Variants in LANCL1 observed in about 807,000 individuals in gnomAD.
LANCL1 encodes the protein glutathione S-transferase LANCL1.
LANCL1 carries 50 observed loss-of-function variants against 50.6 expected under a neutral mutation model. The observed-to-expected ratio is 0.99, with a 90% confidence interval of 0.79 to 1.25. The LOEUF (loss-of-function observed/expected upper bound fraction) is 1.25, where lower values mean the gene tolerates loss of function less well. Among genes scored for constraint, LANCL1 ranks in the 50% most tolerant of loss-of-function variants. The pLI is 0.00. For synonymous variants in LANCL1, 188 were observed against 178.6 expected, an observed-to-expected ratio of 1.05 and a Z score of -0.42; for missense variants, 532 against 480.7, an observed-to-expected ratio of 1.11 and a Z score of -1.00.
At chr2:210,465,565 C>A (rs1183158283) in intron 3 of LANCL1, among the ~76,000 whole-genome samples, 2 of 152,158 alleles carry the variant, frequency 1.3e-5, no homozygotes, top group African/African-American at 2.4e-5. Context: ...AGTGAAACTG[C>A]AGTACATATT....
In LANCL1 at chr2:210,432,519, T is replaced by A. The variant is rs1692781145; in HGVS notation, c.*1968A>T. ...AAGAATCTTATTTGAAATGTTCTTC[T>A]CCCTGCCTTGAAATCTTCCTGGGGT... On this transcript the variant is annotated 3_prime_UTR_variant, in exon 10 of 10. Transcript: ENST00000450366. 1 of 152,192 alleles carries A rather than the reference T, an allele frequency of 6.6e-6. No individual in the cohort carries two copies. The highest frequency in any genetic ancestry group is 1.9e-4 in the East Asian group (1 of 5,192). 9.4% of individuals were successfully genotyped at this position (152,192 alleles called of 1,614,324 possible).
At position 210,455,370 on chromosome 2, in the gene LANCL1, T is replaced by C; in HGVS notation, c.200-56A>G. ...ATGAGGAAAGGCAGTTATTTTATTATTTTTGGCATGGTGTCTACTCAGCAG... is the reference window on the plus strand; with the variant it reads ...ATGAGGAAAGGCAGTTATTTTATTACTTTTGGCATGGTGTCTACTCAGCAG... On this transcript the variant is annotated intron_variant, in intron 3 of 9. Coordinates refer to ENST00000450366, the MANE Select transcript of LANCL1 (RefSeq NM_006055.3). The C allele has an allele frequency of 4.8e-6, 7 of 1,458,134 alleles. No homozygotes were observed. The South Asian group carries it at 7.4e-5, about 15-fold the overall frequency. The allele number at this position is 1,458,134 out of a possible 1,614,324, so 90.3% of individuals were successfully genotyped here.
rs978097673 is a variant in LANCL1 at position 210,432,630 on chromosome 2, C to T, written c.*1857G>A. The T allele has an allele frequency of 1.3e-4, 20 of 152,142 alleles. No homozygotes were observed. The highest frequency in any genetic ancestry group is 4.1e-4 in the South Asian group (2 of 4,826). The allele number at this position is 152,142 out of a possible 1,614,324, so 9.4% of individuals were successfully genotyped here. On this transcript the variant is annotated 3_prime_UTR_variant, in exon 10 of 10. Transcript: ENST00000450366. Reference sequence around the variant, plus strand: ...CTGTTATTTTTCCCTTGCTTAGTAACGCAGCTAAAAGCATAGGCACAGTAG... The same window carrying T: ...CTGTTATTTTTCCCTTGCTTAGTAATGCAGCTAAAAGCATAGGCACAGTAG...
At chr2:210,451,886 T>C (rs931892806) in intron 4 of LANCL1, among the ~76,000 whole-genome samples, 1 of 152,228 alleles carries the variant, frequency 6.6e-6, no homozygotes, top group African/African-American at 2.4e-5. Flanking sequence ...TTCTATAACG[T>C]AGATAAACCT....
intron 2 of LANCL1, among the ~76,000 whole-genome samples, chr2:210,476,019 C>G (rs1438323300): frequency 1.3e-5 from 2 of 151,998 alleles, no homozygotes; most frequent in African/African-American, 4.8e-5. Flanking sequence ...AAGAAGCAAA[C>G]CAAAATACAT....
chr2:210,475,224 A>G (rs1694322867), intron 2 of LANCL1, among the ~76,000 whole-genome samples: 1 of 152,242 alleles, frequency 6.6e-6, no homozygotes, highest in South Asian at 2.1e-4. Flanking sequence ...TAAGGCCTTT[A>G]TATCACATAA....
At chr2:210,456,795 C>G (rs1288495272) in intron 3 of LANCL1, among the ~76,000 whole-genome samples, 1 of 152,154 alleles carries the variant, frequency 6.6e-6, no homozygotes, top group Non-Finnish European at 1.5e-5. Context: ...TGATGGAGAT[C>G]TGAGAAAATA....
intron 3 of LANCL1, among the ~76,000 whole-genome samples, chr2:210,457,194 G>A (rs1467952904): frequency 6.6e-6 from 1 of 152,150 alleles, no homozygotes; most frequent in Non-Finnish European, 1.5e-5. Flanking sequence ...TAAGTGGTGA[G>A]TGCTGCTGCC....
At chr2:210,449,883 AG>A (rs1353834664) in intron 4 of LANCL1, among the ~76,000 whole-genome samples, 3 of 152,238 alleles carry the variant, frequency 2.0e-5, no homozygotes, top group African/African-American at 4.8e-5. Context: ...GCTCATGGAT[AG>A]GAAGAATCAA....
At chr2:210,452,264 C>T (rs1464841633) in intron 4 of LANCL1, among the ~76,000 whole-genome samples, 4 of 151,544 alleles carry the variant, frequency 2.6e-5, no homozygotes, top group Admixed American at 1.3e-4. Context: ...ATTACTGACT[C>T]GTCACACTAC....
intron 3 of LANCL1, chr2:210,471,534 G>T: frequency 2.2e-6 from 1 of 457,942 alleles, no homozygotes; most frequent in South Asian, 1.5e-5. Flanking sequence ...ATGGATTCCT[G>T]TTACGGGTTA....
At chr2:210,435,278 A>C in intron 9 of LANCL1, 109 bp downstream of exon 9, 1 of 746,324 alleles carries the variant, frequency 1.3e-6, no homozygotes, top group South Asian at 1.7e-5. Flanking sequence ...ATAAAAAAGT[A>C]GTTTAAGAAT....
chr2:210,440,361 C>T (rs528674597), intron 6 of LANCL1, among the ~76,000 whole-genome samples: 30 of 152,304 alleles, frequency 2.0e-4, no homozygotes, highest in South Asian at 8.3e-4. Flanking sequence ...TGGGCAAGCA[C>T]GATCACCTGC....
At chr2:210,466,329 T>C (rs144667363) in intron 3 of LANCL1, among the ~76,000 whole-genome samples, 92 of 152,240 alleles carry the variant, frequency 6.0e-4, no homozygotes, top group Non-Finnish European at 7.2e-4. Context: ...ACGGAACGGA[T>C]TGTCAGTGCT....
intron 3 of LANCL1, among the ~76,000 whole-genome samples, chr2:210,459,643 T>G (rs563724846): frequency 6.6e-6 from 1 of 152,136 alleles, no homozygotes; most frequent in African/African-American, 2.4e-5. Flanking sequence ...AGACCAGGAA[T>G]AGATGTCATT....
chr2:210,450,318 C>A (rs920234281), intron 4 of LANCL1, among the ~76,000 whole-genome samples: 59 of 152,158 alleles, frequency 3.9e-4, no homozygotes, highest in African/African-American at 1.3e-3. Context: ...TGGACCTCTT[C>A]CTTATACTTT....
intron 3 of LANCL1, among the ~76,000 whole-genome samples, chr2:210,471,330 C>A (rs1694217927): frequency 6.6e-6 from 1 of 151,818 alleles, no homozygotes; most frequent in Admixed American, 6.6e-5. Context: ...CAGGTGTGAG[C>A]CACTGCGCCC....
chr2:210,462,864 T>C (rs1245224074), intron 3 of LANCL1, among the ~76,000 whole-genome samples: 1 of 152,242 alleles, frequency 6.6e-6, no homozygotes, highest in Non-Finnish European at 1.5e-5. Flanking sequence ...TCTTATTTCT[T>C]TTAATAAAAC....
intron 4 of LANCL1, among the ~76,000 whole-genome samples, chr2:210,448,099 T>C (rs1246401685): frequency 1.3e-5 from 2 of 152,204 alleles, no homozygotes. Flanking sequence ...GACCTCATAA[T>C]TGGAAGTAAA....
Sources: gnomAD v4.1 joint callset for allele counts (sites outside exome capture counted in the v4.1 genomes callset) on GRCh38, gnomAD v4.1.1 for gene constraint, MANE v1.5 for transcripts, NCBI Gene and HGNC (gene_info 2026-07-23, HGNC 2026-07-21) for gene names.